Variants in PLEKHM2 observed in about 807,000 individuals in gnomAD.
The protein encoded by PLEKHM2 is pleckstrin homology domain-containing family M member 2.
A neutral mutation model predicts 116.3 loss-of-function variants in PLEKHM2; 77 were observed. That is an observed-to-expected ratio of 0.66 (90% CI 0.55 to 0.80). The LOEUF is 0.80. Among genes scored for constraint, PLEKHM2 ranks in the 30% least tolerant of loss-of-function variants. The pLI, the probability that PLEKHM2 is intolerant of heterozygous loss-of-function variation, is 0.00. For synonymous variants in PLEKHM2, 562 were observed against 571.0 expected (o/e 0.98, Z 0.22); for missense variants, 1,183 against 1,354.9 (o/e 0.87, Z 1.99).
At position 15,727,870 on chromosome 1, in the gene PLEKHM2, C is replaced by T. The variant is rs1379515799; in HGVS notation, c.1760+38C>T. The T allele has an allele frequency of 1.4e-6, 2 of 1,466,648 alleles. No individual in the cohort carries two copies. Among genetic ancestry groups the T allele is most frequent in the Non-Finnish European group, 1.8e-6 (2 of 1,083,818 alleles). 90.9% of individuals were successfully genotyped at this position (1,466,648 alleles called of 1,614,324 possible). A position where few individuals can be genotyped will look rare whatever the true frequency, so the allele number is the denominator to read the frequency against. On this transcript the variant is annotated intron_variant, in intron 9 of 19. Coordinates refer to ENST00000375799, the MANE Select transcript of PLEKHM2 (RefSeq NM_015164.4). The surrounding 1 kb of genome is among the most constrained non-coding windows in gnomAD (Gnocchi z 7.5). Reference sequence around the variant, plus strand: ...TGCAGCTGGCATGGGACTCTCCCAGCCCTTGAAGCTGGGGACACTGTGCCT... The same window carrying T: ...TGCAGCTGGCATGGGACTCTCCCAGTCCTTGAAGCTGGGGACACTGTGCCT...
At chr1:15,702,026 C>T (rs1641125162) in intron 1 of PLEKHM2, among the ~76,000 whole-genome samples, 1 of 152,186 alleles carries the variant, frequency 6.6e-6, no homozygotes, top group Non-Finnish European at 1.5e-5. Flanking sequence ...CTCCAGCTGT[C>T]ACTGATACGG....
intron 1 of PLEKHM2, among the ~76,000 whole-genome samples, chr1:15,700,459 C>T (rs1421147636): frequency 6.6e-6 from 1 of 152,160 alleles, no homozygotes; most frequent in East Asian, 1.9e-4. Flanking sequence ...GCAGGAAGTG[C>T]CCCTGTCTCC....
In PLEKHM2 at chr1:15,729,968, A is replaced by G; in HGVS notation, c.2208+39A>G. The G allele has an allele frequency of 2.6e-6, 4 of 1,539,854 alleles. No individual in the cohort carries two copies. Among genetic ancestry groups the G allele is most frequent in the Non-Finnish European group, 3.5e-6 (4 of 1,140,374 alleles). On this transcript the variant is annotated intron_variant, in intron 14 of 19. Transcript: ENST00000375799. The surrounding 1 kb of genome is among the most constrained non-coding windows in gnomAD (Gnocchi z 4.7). ...GAGGAAGCTGAGTGCAGCCCCTGAG[A>G]TGGCAGAGCAGCAGCCGCCTTGGCG... is the stretch of plus-strand genomic sequence containing the variant.
At position 15,716,290 on chromosome 1, in the gene PLEKHM2, T is replaced by A; in HGVS notation, c.114T>A (p.His38Gln). The A allele has an allele frequency of 1.2e-6, 2 of 1,608,298 alleles. No homozygotes were observed. Among genetic ancestry groups the A allele is most frequent in the East Asian group, 4.5e-5 (2 of 44,758 alleles). Residue 38 changes from histidine to glutamine, a missense_variant, in exon 2 of 20, where the codon CAT (histidine) becomes CAA (glutamine). By Grantham distance (24) the His-to-Gln change is conservative. Transcript: ENST00000375799. ...ATGAGATCCCTGCCATCCGGAACCA[T>A]GACAAGGTCCTACAGCGTCTGTGTG... ...CEDEIPAIRN[H>Q]DKVLQRLCEH...
intron 1 of PLEKHM2, among the ~76,000 whole-genome samples, chr1:15,695,253 T>C (rs968666602): frequency 1.3e-5 from 2 of 152,228 alleles, no homozygotes; most frequent in Non-Finnish European, 2.9e-5. Context: ...TGATGCGTGC[T>C]TGAAATACAC....
rs1436203510 is a variant in PLEKHM2, at chr1:15,713,828, C to T, written c.61-2409C>T. On this transcript the variant is annotated intron_variant, in intron 1 of 19. Transcript: ENST00000375799. ...TTTTTTGCATTTTGCTTAGTAGAGA[C>T]GGGGTTTCACTATGTTAGCCAGGAT... Among the ~76,000 whole-genome samples the T allele has an allele frequency of 2.0e-5, 3 of 151,848 alleles. No individual in the cohort carries two copies. In the South Asian group the frequency reaches 6.2e-4, roughly 31 times the overall value.
Position 15,729,232 on chromosome 1 carries a change from G to A in PLEKHM2, c.2075+42G>A, listed in dbSNP as rs1178618143. 2.3e-5 allele frequency: 36 copies of A among 1,551,058 alleles called. No individual in the cohort carries two copies. Among genetic ancestry groups the A allele is most frequent in the Middle Eastern group, 1.7e-4 (1 of 5,922 alleles). On this transcript the variant is annotated intron_variant, in intron 13 of 19. Transcript: ENST00000375799. The surrounding 1 kb of genome is among the most constrained non-coding windows in gnomAD (Gnocchi z 4.7). Reference sequence around the variant, plus strand: ...CCCCTCTGGAAGGATTGGAGAGTTCGCAGCCGCCCATAGGTGTGGGTGGCC... The same window carrying A: ...CCCCTCTGGAAGGATTGGAGAGTTCACAGCCGCCCATAGGTGTGGGTGGCC...
intron 15 of PLEKHM2, 126 bp downstream of exon 15, chr1:15,730,848 T>G (rs2068132988): frequency 2.7e-6 from 2 of 736,516 alleles, no homozygotes; most frequent in African/African-American, 3.6e-5. Context: ...ACGCCTCCCT[T>G]CCCTACCAGA....
At chr1:15,705,845 A>G (rs1641215755) in intron 1 of PLEKHM2, among the ~76,000 whole-genome samples, 1 of 152,006 alleles carries the variant, frequency 6.6e-6, no homozygotes, top group South Asian at 2.1e-4. Flanking sequence ...TAATCCCAGC[A>G]CTTTGGGAGG....
Position 15,684,547 on chromosome 1 carries a change from G to T in PLEKHM2, c.-12G>T. On this transcript the variant is annotated 5_prime_UTR_variant, in exon 1 of 20. Transcript: ENST00000375799. ...CGGTGGCGGTGGCGGTGGCGGCGACGGTGGCAGCGCCATGGAGCCGGGGGA... is the reference window on the plus strand; with the variant it reads ...CGGTGGCGGTGGCGGTGGCGGCGACTGTGGCAGCGCCATGGAGCCGGGGGA... The T allele has an allele frequency of 8.2e-7, 1 of 1,222,310 alleles. No homozygotes were observed. Among genetic ancestry groups the T allele is most frequent in the Non-Finnish European group, 1.0e-6 (1 of 965,188 alleles). The allele number at this position is 1,222,310 out of a possible 1,614,324, so 75.7% of individuals were successfully genotyped here. A position where few individuals can be genotyped will look rare whatever the true frequency, so the allele number is the denominator to read the frequency against.
Position 15,728,564 on chromosome 1 carries a change from G to A in PLEKHM2, c.1922-105G>A. ...CTCCACGCCATTCTCCTACTGCAGG[G>A]CAAGGAGAGGCCCTCTAAGAGAGGG... On this transcript the variant is annotated intron_variant, in intron 11 of 19. Transcript: ENST00000375799. This position sits in a 1 kb window ranked among gnomAD's most constrained non-coding sequence, Gnocchi z 5.9. The A allele has an allele frequency of 9.0e-7, 1 of 1,111,330 alleles. No homozygotes were observed. Among genetic ancestry groups the A allele is most frequent in the Non-Finnish European group, 1.3e-6 (1 of 750,496 alleles). The allele number at this position is 1,111,330 out of a possible 1,614,324, so 68.8% of individuals were successfully genotyped here. A position where few individuals can be genotyped will look rare whatever the true frequency, so the allele number is the denominator to read the frequency against.
chr1:15,717,865 T>G, intron 3 of PLEKHM2, 28 bp from the exon 4 acceptor site: 2 of 1,474,428 alleles, frequency 1.4e-6, no homozygotes, highest in Non-Finnish European at 1.9e-6. Context: ...GAGGCCTTCC[T>G]GCCGGTTACT....
intron 1 of PLEKHM2, among the ~76,000 whole-genome samples, chr1:15,690,332 C>G (rs750266141): frequency 7.7e-4 from 117 of 152,278 alleles, no homozygotes; most frequent in Non-Finnish European, 1.2e-3. Context: ...TCCCAAAGTA[C>G]AGTCGTGAGC....
chr1:15,685,696 A>C (rs568238235), intron 1 of PLEKHM2, among the ~76,000 whole-genome samples: 35 of 152,222 alleles, frequency 2.3e-4, no homozygotes, highest in Admixed American at 7.9e-4. Flanking sequence ...TTTCCCACTG[A>C]GATTCCTCAA....
chr1:15,704,736 T>A (rs1275640893), intron 1 of PLEKHM2, among the ~76,000 whole-genome samples: 3 of 152,098 alleles, frequency 2.0e-5, no homozygotes, highest in Admixed American at 2.0e-4. Context: ...TTCCTCATGG[T>A]CCCAGCACCT....
intron 17 of PLEKHM2, 123 bp from the exon 18 acceptor site, chr1:15,732,227 C>T (rs2068154844): frequency 2.2e-5 from 22 of 999,400 alleles, no homozygotes; most frequent in Middle Eastern, 2.2e-4. Context: ...CCTCTGCTCC[C>T]GATCCCTGGA....
Position 15,729,661 on chromosome 1 carries a change from C to T in PLEKHM2, c.2076-136C>T, listed in dbSNP as rs2068111929. 1 of 721,920 alleles carries T rather than the reference C, an allele frequency of 1.4e-6. No homozygotes were observed. The highest frequency in any genetic ancestry group is 2.3e-6 in the Non-Finnish European group (1 of 432,672). 44.7% of individuals were successfully genotyped at this position (721,920 alleles called of 1,614,324 possible). A position where few individuals can be genotyped will look rare whatever the true frequency, so the allele number is the denominator to read the frequency against. On this transcript the variant is annotated intron_variant, in intron 13 of 19. Transcript: ENST00000375799. This position sits in a 1 kb window ranked among gnomAD's most constrained non-coding sequence, Gnocchi z 4.7. ...CCTGCGTCATTGCCGCACCTGCCGC[C>T]CTGGTCACTGGGTCTAGCCAGGTCT...
chr1:15,733,983 G>A lies in PLEKHM2; in HGVS notation c.*49G>A. 1 of 1,574,686 alleles carries A rather than the reference G, an allele frequency of 6.4e-7. No homozygotes were observed. Among genetic ancestry groups the A allele is most frequent in the Non-Finnish European group, 8.6e-7 (1 of 1,159,692 alleles). On this transcript the variant is annotated 3_prime_UTR_variant, in exon 20 of 20. Transcript: ENST00000375799. The stretch of plus-strand genomic sequence containing the variant: ...GTGGGCAGGAAAGGAAGGCACGCCA[G>A]CCGGCAGGCACACTGTCACGGCTGT...
In PLEKHM2 at chr1:15,729,650, G is replaced by A. The variant is rs1167259987; in HGVS notation, c.2076-147G>A. 8 of 664,226 alleles carry A rather than the reference G, an allele frequency of 1.2e-5. No individual in the cohort carries two copies. The highest frequency in any genetic ancestry group is 5.3e-5 in the East Asian group (2 of 37,954). The allele number at this position is 664,226 out of a possible 1,614,324, so 41.1% of individuals were successfully genotyped here. The stretch of plus-strand genomic sequence containing the variant: ...ATGACCTTGGACCTGCGTCATTGCC[G>A]CACCTGCCGCCCTGGTCACTGGGTC... On this transcript the variant is annotated intron_variant, in intron 13 of 19. Transcript: ENST00000375799. The surrounding 1 kb of genome is among the most constrained non-coding windows in gnomAD (Gnocchi z 4.7).
Sources: gnomAD v4.1 joint callset for allele counts (sites outside exome capture counted in the v4.1 genomes callset) on GRCh38, gnomAD v4.1.1 for gene constraint, Gnocchi (gnomAD v3.1) non-coding constraint, MANE v1.5 for transcripts, NCBI Gene and HGNC (gene_info 2026-07-23, HGNC 2026-07-21) for gene names.